GUCY2C: variants seen among roughly 807,000 people sequenced by gnomAD.
GUCY2C encodes guanylate cyclase 2C.
GUCY2C carries 118 observed loss-of-function variants against 131.1 expected under a neutral mutation model. That is an observed-to-expected ratio of 0.90 (90% CI 0.78 to 1.05). The LOEUF (loss-of-function observed/expected upper bound fraction) is 1.05, where lower values mean the gene tolerates loss of function less well. GUCY2C is among the 50% of genes least tolerant of loss of function. The pLI is 0.00. For missense variants in GUCY2C, 1,161 were observed against 1,304.4 expected (o/e 0.89, Z 1.69); for synonymous variants, 452 against 457.8 (o/e 0.99, Z 0.16).
chr12:14,669,798 A>G lies in GUCY2C; in HGVS notation c.1206T>C (p.Asn402=). 2.5e-6 allele frequency: 4 copies of G among 1,599,114 alleles called. No individual in the cohort carries two copies. The Middle Eastern group carries it at 6.6e-4, about 265-fold the overall frequency. Residue 402 remains asparagine (N), a synonymous_variant, in exon 10 of 27, where the codon AAT becomes AAC. Coordinates refer to ENST00000261170, the MANE Select transcript of GUCY2C (RefSeq NM_004963.4). ...KVLLTYDTHV[N]KTYPVDMSPT... is the part of the protein sequence containing the mutation. ...GGCTCATATCCACAGGATAGGTCTTATTTACGTGGGTATCATAGGTCAAAA... is the reference window on the plus strand; with the variant it reads ...GGCTCATATCCACAGGATAGGTCTTGTTTACGTGGGTATCATAGGTCAAAA...
At chr12:14,633,567 T>G (rs1378360437) in intron 19 of GUCY2C, among the ~76,000 whole-genome samples, 1 of 151,514 alleles carries the variant, frequency 6.6e-6, no homozygotes, top group Non-Finnish European at 1.5e-5. Flanking sequence ...CAATTTCCAA[T>G]GAAAAGGAAA....
chr12:14,622,527 C>G (rs1946917445), intron 21 of GUCY2C, among the ~76,000 whole-genome samples: 1 of 152,138 alleles, frequency 6.6e-6, no homozygotes. Flanking sequence ...CTTTTTGCTT[C>G]TCTATTGATA....
At chr12:14,687,198 T>TA (rs1948488217) in intron 2 of GUCY2C, among the ~76,000 whole-genome samples, 1 of 152,200 alleles carries the variant, frequency 6.6e-6, no homozygotes, top group Non-Finnish European at 1.5e-5. Context: ...TATGACCTGA[T>TA]ATATGGTGAT....
rs567215973 is a variant in GUCY2C, at chr12:14,688,635, G to A, written c.218-572C>T. Among the ~76,000 whole-genome samples, 62 of 152,296 alleles carry A rather than the reference G, an allele frequency of 4.1e-4. 2 individuals carry two copies. In the South Asian group the frequency reaches 0.012, roughly 29 times the overall value. Reference sequence around the variant, plus strand: ...ATTAAGTTCCTGCTATGTGCCAGGCGCTCTTCTTTGCGCTCATGATACAGC... The same window carrying A: ...ATTAAGTTCCTGCTATGTGCCAGGCACTCTTCTTTGCGCTCATGATACAGC... On this transcript the variant is annotated intron_variant, in intron 1 of 26. Transcript: ENST00000261170.
In GUCY2C at chr12:14,666,276, A is replaced by C. The variant is rs534510331; in HGVS notation, c.1282+3446T>G. On this transcript the variant is annotated intron_variant, in intron 10 of 26. Transcript: ENST00000261170. Reference sequence around the variant, plus strand: ...CAATGACACCCCCACACATGGCTACAAAGAAAAGGGAGGGGAAATCGCTAT... The same window carrying C: ...CAATGACACCCCCACACATGGCTACCAAGAAAAGGGAGGGGAAATCGCTAT... 5.3e-5 allele frequency among the ~76,000 whole-genome samples: 8 copies of C among 152,324 alleles called. No homozygotes were observed. In the South Asian group the frequency reaches 1.7e-3, roughly 32 times the overall value.
intron 24 of GUCY2C, among the ~76,000 whole-genome samples, chr12:14,618,856 C>G (rs542116918): frequency 6.6e-6 from 1 of 152,068 alleles, no homozygotes; most frequent in East Asian, 1.9e-4. Flanking sequence ...GAATGTGAAC[C>G]AGAGTGTGTA....
At position 14,681,426 on chromosome 12, in the gene GUCY2C, G is replaced by C. The variant is rs557238819; in HGVS notation, c.663C>G (p.Gly221=). 7.1e-5 allele frequency: 115 copies of C among 1,611,996 alleles called. 1 individual carries two copies. The South Asian group carries it at 1.1e-3, about 15-fold the overall frequency. ...TATCTTGTCTTAACACCACCTTAAA[G>C]CCGAGTTCGTGGGAGAAATAGGAAA... is the stretch of plus-strand genomic sequence containing the variant. ...ASVSYFSHEL[G]FKVVLRQDKE... The change falls in exon 5 of 27, where the codon GGC becomes GGG. Residue 221 remains glycine, a synonymous_variant. Coordinates refer to ENST00000261170, the MANE Select transcript of GUCY2C (RefSeq NM_004963.4).
At chr12:14,631,543 C>G (rs1461390572) in intron 19 of GUCY2C, among the ~76,000 whole-genome samples, 2 of 152,182 alleles carry the variant, frequency 1.3e-5, no homozygotes, top group East Asian at 3.9e-4. Context: ...ATCCATGTCC[C>G]TACAAAGGAC....
At chr12:14,683,352 A>G in intron 3 of GUCY2C, 95 bp from the exon 4 acceptor site, 1 of 738,020 alleles carries the variant, frequency 1.4e-6, no homozygotes, top group Non-Finnish European at 2.3e-6. Flanking sequence ...ATGTATGTAT[A>G]AATGGTAAGA....
At chr12:14,625,672 A>G in intron 21 of GUCY2C, 85 bp downstream of exon 21, 1 of 1,376,604 alleles carries the variant, frequency 7.3e-7, no homozygotes, top group South Asian at 1.3e-5. Flanking sequence ...TGAAGAATAT[A>G]TAAAAGGAAA....
At chr12:14,637,616 A>T (rs1220216671) in intron 19 of GUCY2C, among the ~76,000 whole-genome samples, 1 of 152,180 alleles carries the variant, frequency 6.6e-6, no homozygotes, top group Non-Finnish European at 1.5e-5. Flanking sequence ...CAGAATAGAG[A>T]ACCCAGAAAT....
intron 14 of GUCY2C, 65 bp downstream of exon 14, chr12:14,651,894 A>G (rs2137039413): frequency 1.2e-6 from 1 of 852,308 alleles, no homozygotes; most frequent in East Asian, 2.5e-5. Context: ...TCCACCAGCA[A>G]CCTCAGTGAT....
chr12:14,655,574 CT>C (rs957145781), intron 12 of GUCY2C, among the ~76,000 whole-genome samples: 2 of 152,194 alleles, frequency 1.3e-5, no homozygotes, highest in African/African-American at 4.8e-5. Context: ...TTTATTCCTG[CT>C]GATTTTAAGC....
Position 14,637,492 on chromosome 12 carries a change from C to T in GUCY2C, c.2157+2370G>A, listed in dbSNP as rs1385070054. 2.0e-5 allele frequency among the ~76,000 whole-genome samples: 3 copies of T among 152,206 alleles called. No homozygotes were observed. In the East Asian group the frequency reaches 5.8e-4, roughly 29 times the overall value. On this transcript the variant is annotated intron_variant, in intron 19 of 26. Coordinates refer to ENST00000261170, the MANE Select transcript of GUCY2C (RefSeq NM_004963.4). ...CCCAAATAGCCAAAGCAATCCCAAG[C>T]AAAAAGAACAAAGCTGGAGGCATAA... is the stretch of plus-strand genomic sequence containing the variant.
chr12:14,680,666 T>C (rs1948331193), intron 5 of GUCY2C, among the ~76,000 whole-genome samples: 1 of 152,184 alleles, frequency 6.6e-6, no homozygotes, highest in Non-Finnish European at 1.5e-5. Context: ...TTAGTGAGGA[T>C]GACTTCTTTT....
At chr12:14,640,554 T>C (rs1327873435) in intron 18 of GUCY2C, among the ~76,000 whole-genome samples, 1 of 151,878 alleles carries the variant, frequency 6.6e-6, no homozygotes, top group Non-Finnish European at 1.5e-5. Context: ...CTGCCTTCAG[T>C]AGGCTTCTTC....
At chr12:14,656,672 G>T in intron 11 of GUCY2C, 55 bp from the exon 12 acceptor site, 1 of 879,246 alleles carries the variant, frequency 1.1e-6, no homozygotes, top group Non-Finnish European at 1.9e-6. Context: ...ATGTCATTCA[G>T]CTTCTGAAGA....
intron 11 of GUCY2C, among the ~76,000 whole-genome samples, chr12:14,659,368 A>G (rs1308192932): frequency 6.6e-6 from 1 of 152,056 alleles, no homozygotes; most frequent in Non-Finnish European, 1.5e-5. Context: ...TAGCTGTCAC[A>G]TACTGTCATC....
chr12:14,636,452 T>C (rs1947272419), intron 19 of GUCY2C, among the ~76,000 whole-genome samples: 1 of 152,062 alleles, frequency 6.6e-6, no homozygotes, highest in East Asian at 1.9e-4. Flanking sequence ...AGAAGGAATA[T>C]ATCTCAACAT....
Sources: gnomAD v4.1 joint callset for allele counts (sites outside exome capture counted in the v4.1 genomes callset) on GRCh38, gnomAD v4.1.1 for gene constraint, MANE v1.5 for transcripts, NCBI Gene and HGNC (gene_info 2026-07-23, HGNC 2026-07-21) for gene names.